The following EDAR variants were observed in gnomAD, a reference collection of about 807,000 sequenced individuals.
EDAR encodes tumor necrosis factor receptor superfamily member EDAR.
In EDAR, 38 loss-of-function variants were observed where a neutral mutation model predicts 51.3. That is an observed-to-expected ratio of 0.74 (90% CI 0.57 to 0.97). EDAR has a LOEUF of 0.97. Ranked by LOEUF, EDAR falls within the 50% of genes least tolerant of loss-of-function variation. The pLI, the probability that EDAR is intolerant of heterozygous loss-of-function variation, is 0.00. For synonymous variants in EDAR, 227 were observed against 242.1 expected (o/e 0.94, Z 0.58); for missense variants, 528 against 595.0 (o/e 0.89, Z 1.17).
rs965594507 is a variant in EDAR at position 108,910,692 on chromosome 2, C to G, written c.730+84G>C. On this transcript the variant is annotated intron_variant, in intron 8 of 11. Coordinates refer to ENST00000258443, the MANE Select transcript of EDAR (RefSeq NM_022336.4). The stretch of plus-strand genomic sequence containing the variant: ...ATGGTTCAGCATGTGAGAGCAGAAG[C>G]AGCGAGGAGGCTGCTTCTGGGAACG... The G allele has an allele frequency of 2.0e-5, 30 of 1,511,210 alleles. No individual in the cohort carries two copies. The African/African-American group carries it at 4.0e-4, about 20-fold the overall frequency. The allele number at this position is 1,511,210 out of a possible 1,614,324, so 93.6% of individuals were successfully genotyped here. A position where few individuals can be genotyped will look rare whatever the true frequency, so the allele number is the denominator to read the frequency against.
At chr2:108,923,717 G>A (rs1697194993) in intron 4 of EDAR, among the ~76,000 whole-genome samples, 1 of 152,220 alleles carries the variant, frequency 6.6e-6, no homozygotes, top group African/African-American at 2.4e-5. Context: ...TCTCTCTGGT[G>A]GCTGTGTTTA....
At chr2:108,970,580 A>T (rs1327119871) in intron 1 of EDAR, among the ~76,000 whole-genome samples, 1 of 152,072 alleles carries the variant, frequency 6.6e-6, no homozygotes, top group Non-Finnish European at 1.5e-5. Context: ...CAGGCAGGCC[A>T]CACAGAGAAT....
intron 4 of EDAR, among the ~76,000 whole-genome samples, chr2:108,927,151 G>A (rs909136766): frequency 2.6e-5 from 4 of 152,194 alleles, no homozygotes; most frequent in African/African-American, 4.8e-5. Context: ...GCACCCCTGC[G>A]GAGCAGTGCG....
At chr2:108,926,305 C>T (rs72836562) in intron 4 of EDAR, among the ~76,000 whole-genome samples, 2 of 152,154 alleles carry the variant, frequency 1.3e-5, no homozygotes, top group African/African-American at 2.4e-5. Context: ...CCCTAGCCCC[C>T]CAACCCCTGT....
rs1696914138 is a variant in EDAR at position 108,910,819 on chromosome 2, C to T, written c.687G>A (p.Val229=). The change falls in exon 8 of 12, where the codon GTG becomes GTA. Residue 229 remains valine (V), a synonymous_variant. Transcript: ENST00000258443. ...CCTCGTCCTTGCTCACTTGGGCCTC[C>T]ACGCTCTTCCCCGGGTGGCTGGTGC... The part of the protein sequence containing the change: ...ACCTSHPGKS[V]EAQVSKDEEK... 4 of 1,613,724 alleles carry T rather than the reference C, an allele frequency of 2.5e-6. No homozygotes were observed. The highest frequency in any genetic ancestry group is 2.5e-6 in the Non-Finnish European group (3 of 1,179,924).
At chr2:108,932,547 A>AG (rs1697386294) in intron 1 of EDAR, among the ~76,000 whole-genome samples, 1 of 151,212 alleles carries the variant, frequency 6.6e-6, no homozygotes, top group South Asian at 2.1e-4. Context: ...AAAAAAAAAA[A>AG]AAAAAGAAAG....
At position 108,931,031 on chromosome 2, in the gene EDAR, AC is replaced by A. The variant is rs1357624668; in HGVS notation, c.-18del. 2 of 1,613,968 alleles carry A rather than the reference AC, an allele frequency of 1.2e-6. No homozygotes were observed. The highest frequency in any genetic ancestry group is 1.7e-6 in the Non-Finnish European group (2 of 1,179,974). ...ATGGGCCATCCTCTCCCAAGGGCTC[AC>A]CTGAAAGACATGCGTCATTAGCTGG... On this transcript the variant is annotated splice_region_variant and 5_prime_UTR_variant, in exon 2 of 12. Transcript: ENST00000258443.
intron 5 of EDAR, among the ~76,000 whole-genome samples, chr2:108,922,480 C>T (rs1254024270): frequency 6.6e-6 from 1 of 152,252 alleles, no homozygotes. Context: ...ACAGAACCCT[C>T]CTCCTGGCTT....
At chr2:108,967,752 A>G (rs918121132) in intron 1 of EDAR, among the ~76,000 whole-genome samples, 6 of 152,208 alleles carry the variant, frequency 3.9e-5, no homozygotes, top group Admixed American at 2.6e-4. Context: ...GGGAAAAACT[A>G]GACGGTGGAT....
intron 4 of EDAR, among the ~76,000 whole-genome samples, chr2:108,923,749 C>T (rs1341325519): frequency 7.9e-5 from 12 of 152,262 alleles, no homozygotes; most frequent in Non-Finnish European, 1.0e-4. Context: ...ATCACATCAT[C>T]CACCAGAAAT....
At chr2:108,898,622 T>C (rs979967673) in intron 11 of EDAR, among the ~76,000 whole-genome samples, 6 of 152,134 alleles carry the variant, frequency 3.9e-5, no homozygotes, top group African/African-American at 1.2e-4. Flanking sequence ...AACACTGAGA[T>C]GACAGATGTT....
At chr2:108,907,048 T>C (rs260637) in intron 10 of EDAR, among the ~76,000 whole-genome samples, 139,168 of 152,312 alleles carry the variant, frequency 0.91, 63,652 homozygotes, top group East Asian at 1. Context: ...AGGCCAGGTC[T>C]ACAGGGAGCC....
chr2:108,970,607 G>C (rs1455346218), intron 1 of EDAR, among the ~76,000 whole-genome samples: 2 of 152,102 alleles, frequency 1.3e-5, no homozygotes, highest in East Asian at 1.9e-4. Context: ...GGTGGGGCAG[G>C]GGACCAAGGT....
At chr2:108,955,982 T>C (rs1012133924) in intron 1 of EDAR, among the ~76,000 whole-genome samples, 2 of 152,166 alleles carry the variant, frequency 1.3e-5, no homozygotes, top group Admixed American at 1.3e-4. Context: ...TGAGCCGAGA[T>C]GGTGCCACTG....
intron 1 of EDAR, among the ~76,000 whole-genome samples, chr2:108,945,142 G>C (rs1558824802): frequency 6.6e-6 from 1 of 152,158 alleles, no homozygotes; most frequent in Non-Finnish European, 1.5e-5. Context: ...CAGGAAGCTC[G>C]ATCCTGTGTG....
At chr2:108,957,298 C>T (rs756365833) in intron 1 of EDAR, among the ~76,000 whole-genome samples, 1 of 152,206 alleles carries the variant, frequency 6.6e-6, no homozygotes, top group African/African-American at 2.4e-5. Flanking sequence ...AACAGCAACG[C>T]CTCTTGTTTA....
intron 10 of EDAR, among the ~76,000 whole-genome samples, chr2:108,907,037 C>T (rs1442155886): frequency 6.6e-6 from 1 of 152,230 alleles, no homozygotes; most frequent in Non-Finnish European, 1.5e-5. Flanking sequence ...GGGACGACCA[C>T]AGGCCAGGTC....
intron 1 of EDAR, among the ~76,000 whole-genome samples, chr2:108,940,508 C>T (rs1219055069): frequency 6.6e-6 from 1 of 152,236 alleles, no homozygotes; most frequent in African/African-American, 2.4e-5. Context: ...AGTGCGTGGC[C>T]CATGTACTCT....
In EDAR at chr2:108,930,954, GACCACTT is replaced by G; in HGVS notation, c.51+3_51+9del. On this transcript the variant is annotated splice_donor_5th_base_variant and intron_variant, in intron 2 of 11. Coordinates refer to ENST00000258443, the MANE Select transcript of EDAR (RefSeq NM_022336.4). ...GGGTGCTGTGGGGGTAAGGGGCTCA[GACCACTT>G]ACCACCAGGACGGGGAGCCAGGGCG... 1 of 1,613,772 alleles carries G rather than the reference GACCACTT, an allele frequency of 6.2e-7. No homozygotes were observed. Among genetic ancestry groups the G allele is most frequent in the Non-Finnish European group, 8.5e-7 (1 of 1,179,890 alleles).
Sources: gnomAD v4.1 joint callset for allele counts (sites outside exome capture counted in the v4.1 genomes callset) on GRCh38, gnomAD v4.1.1 for gene constraint, MANE v1.5 for transcripts, NCBI Gene and HGNC (gene_info 2026-07-23, HGNC 2026-07-21) for gene names.